Variants in GRIP1 observed in about 807,000 individuals in gnomAD.
The protein encoded by GRIP1 is glutamate receptor-interacting protein 1.
GRIP1 carries 45 observed loss-of-function variants against 129.9 expected under a neutral mutation model. That is an observed-to-expected ratio of 0.35 (90% confidence interval 0.27 to 0.44). The LOEUF (loss-of-function observed/expected upper bound fraction) is 0.44, where lower values mean the gene tolerates loss of function less well. GRIP1 is among the 20% of genes least tolerant of loss of function. The pLI, the probability that GRIP1 is intolerant of heterozygous loss-of-function variation, is 1.00. For missense variants in GRIP1, 1,196 were observed against 1,396.8 expected (o/e 0.86, Z 2.29); for synonymous variants, 530 against 520.8 (o/e 1.02, Z -0.24).
At chr12:66,929,202 C>T (rs1182841745) in intron 1 of GRIP1, among the ~76,000 whole-genome samples, 1 of 152,198 alleles carries the variant, frequency 6.6e-6, no homozygotes, top group Admixed American at 6.5e-5. Flanking sequence ...ACATGCCCTG[C>T]ACCTCAATGC....
intron 5 of GRIP1, among the ~76,000 whole-genome samples, chr12:66,518,419 C>CA (rs76819452): frequency 0.014 from 2,079 of 147,524 alleles, 45 homozygotes; most frequent in East Asian, 0.11. Context: ...AAAAGAAAGC[C>CA]AAAAAAAAAA....
chr12:66,612,384 G>T (rs1366099738), intron 1 of GRIP1, among the ~76,000 whole-genome samples: 1 of 152,126 alleles, frequency 6.6e-6, no homozygotes, highest in East Asian at 1.9e-4. Context: ...TCTAGGCTGG[G>T]TTCAGTGGTT....
intron 1 of GRIP1, among the ~76,000 whole-genome samples, chr12:66,923,336 C>A (rs558091029): frequency 7.9e-4 from 121 of 152,216 alleles, no homozygotes; most frequent in African/African-American, 2.8e-3. Flanking sequence ...CAGAGTGAGA[C>A]CCTGTCTCAA....
chr12:66,683,075 G>A (rs1412889494), upstream of GRIP1, among the ~76,000 whole-genome samples: 1 of 151,490 alleles, frequency 6.6e-6, no homozygotes, highest in East Asian at 1.9e-4. Flanking sequence ...CACATACACA[G>A]TTATTAAATG....
intron 1 of GRIP1, among the ~76,000 whole-genome samples, chr12:66,600,516 GA>G (rs2064231479): frequency 6.6e-6 from 1 of 152,132 alleles, no homozygotes; most frequent in Admixed American, 6.6e-5. Flanking sequence ...TGAAGAAAGT[GA>G]AACATTTGTT....
chr12:66,626,067 A>G (rs1389282633), intron 1 of GRIP1, among the ~76,000 whole-genome samples: 5 of 152,056 alleles, frequency 3.3e-5, no homozygotes, highest in Non-Finnish European at 2.9e-5. Context: ...AAAACAGTTT[A>G]TTTATCTTTC....
At chr12:66,425,906 G>C (rs1050039609) in intron 14 of GRIP1, among the ~76,000 whole-genome samples, 1 of 151,992 alleles carries the variant, frequency 6.6e-6, no homozygotes, top group African/African-American at 2.4e-5. Flanking sequence ...ACACCAACAT[G>C]GCACATGTAT....
intron 1 of GRIP1, among the ~76,000 whole-genome samples, chr12:66,786,415 C>T (rs2038347821): frequency 6.6e-6 from 1 of 151,900 alleles, no homozygotes; most frequent in Admixed American, 6.6e-5. Context: ...TGCAAGACAG[C>T]AGCAGGGCTG....
chr12:66,859,308 A>C (rs76657778), intron 1 of GRIP1, among the ~76,000 whole-genome samples: 2 of 129,586 alleles, frequency 1.5e-5, no homozygotes, highest in African/African-American at 5.6e-5. Context: ...AACAAAAAAA[A>C]ACCAGTATTA....
intron 7 of GRIP1, among the ~76,000 whole-genome samples, chr12:66,486,268 T>C (rs2059952290): frequency 7.7e-6 from 1 of 130,596 alleles, no homozygotes. Flanking sequence ...TGACATGGTT[T>C]ATATATATAT....
At chr12:66,799,585 C>T (rs2038800676) in intron 1 of GRIP1, among the ~76,000 whole-genome samples, 1 of 152,108 alleles carries the variant, frequency 6.6e-6, no homozygotes, top group Non-Finnish European at 1.5e-5. Flanking sequence ...CCTTCCTCTT[C>T]CCTGTCATCC....
intron 16 of GRIP1, among the ~76,000 whole-genome samples, chr12:66,395,317 G>C (rs1048109417): frequency 6.6e-6 from 1 of 152,192 alleles, no homozygotes; most frequent in African/African-American, 2.4e-5. Flanking sequence ...TTAAGGAACT[G>C]TTTCATTTCT....
chr12:66,518,668 C>T (rs1045090668), intron 5 of GRIP1, among the ~76,000 whole-genome samples: 9 of 152,186 alleles, frequency 5.9e-5, no homozygotes, highest in Non-Finnish European at 8.8e-5. Flanking sequence ...GCTCCCCCAG[C>T]GTCTGCATGA....
intron 1 of GRIP1, among the ~76,000 whole-genome samples, chr12:66,691,913 A>G (rs1346183401): frequency 6.6e-6 from 1 of 152,182 alleles, no homozygotes; most frequent in African/African-American, 2.4e-5. Context: ...GCATCATAAA[A>G]CTGGTGAGCT....
At chr12:66,863,464 C>T (rs1476708943) in intron 1 of GRIP1, among the ~76,000 whole-genome samples, 1 of 151,996 alleles carries the variant, frequency 6.6e-6, no homozygotes, top group East Asian at 1.9e-4. Flanking sequence ...GTTTAGTCAT[C>T]AGAGAAAGTA....
At chr12:67,021,098 A>T (rs1222553688) in intron 1 of GRIP1, among the ~76,000 whole-genome samples, 3 of 152,146 alleles carry the variant, frequency 2.0e-5, no homozygotes. Context: ...ACCGTGTCTC[A>T]AAAAAATATG....
chr12:66,495,701 C>T (rs2060220079), intron 7 of GRIP1, among the ~76,000 whole-genome samples: 1 of 152,022 alleles, frequency 6.6e-6, no homozygotes, highest in Non-Finnish European at 1.5e-5. Context: ...CTGCCAAGCT[C>T]CTGCTCTAAT....
At chr12:66,407,933 G>C (rs547277290) in intron 15 of GRIP1, among the ~76,000 whole-genome samples, 1 of 152,168 alleles carries the variant, frequency 6.6e-6, no homozygotes, top group Non-Finnish European at 1.5e-5. Flanking sequence ...CTCCCAGAGA[G>C]AGTCCTTCAC....
At chr12:66,556,622 A>G (rs2062342168) in intron 2 of GRIP1, among the ~76,000 whole-genome samples, 1 of 151,812 alleles carries the variant, frequency 6.6e-6, no homozygotes, top group South Asian at 2.1e-4. Flanking sequence ...TTCAAGAAAT[A>G]GCCAGTATGA....
Sources: allele counts gnomAD v4.1 joint callset (sites outside exome capture counted in the v4.1 genomes callset), GRCh38; gene constraint gnomAD v4.1.1; transcripts MANE v1.5; gene names NCBI Gene and HGNC (gene_info 2026-07-23, HGNC 2026-07-21).